Variants in SLC60A2 observed in about 807,000 individuals in gnomAD.
SLC60A2 encodes solute carrier family 60 member 2.
the SLC60A2 span, chr6:111,265,751 A>G: frequency 4.3e-5 from 32 of 738,418 alleles, no homozygotes; most frequent in East Asian, 5.0e-4. Flanking sequence ...ATGTTTGATA[A>G]TTAGAATATT....
At chr6:111,270,473 A>G in the SLC60A2 span, 1 of 152,168 alleles carries the variant, frequency 6.6e-6, no homozygotes, top group South Asian at 2.1e-4. Context: ...TCCTGAGGTC[A>G]GGAGTTTGAG....
the SLC60A2 span, chr6:111,262,292 A>G: frequency 1.2e-5 from 20 of 1,614,150 alleles, no homozygotes; most frequent in Non-Finnish European, 1.5e-5. Flanking sequence ...CCACGTTTCA[A>G]GATTTGGCAA....
chr6:111,266,366 T>C, the SLC60A2 span: 21 of 1,614,202 alleles, frequency 1.3e-5, no homozygotes, highest in Non-Finnish European at 1.8e-5. Flanking sequence ...GTGAAGCTGC[T>C]GGGTTGAACT....
the SLC60A2 span, among the ~76,000 whole-genome samples, chr6:111,273,805 A>G: frequency 6.6e-6 from 1 of 152,070 alleles, no homozygotes; most frequent in African/African-American, 2.4e-5. Flanking sequence ...GGCTCACTGT[A>G]GTTTTGACCT....
At chr6:111,264,819 CG>C in the SLC60A2 span, among the ~76,000 whole-genome samples, 22 of 150,078 alleles carry the variant, frequency 1.5e-4, no homozygotes, top group Middle Eastern at 3.5e-3. Context: ...TAAATAACGG[CG>C]GGGTGGCTTA....
the SLC60A2 span, chr6:111,262,268 T>A: frequency 1.2e-6 from 2 of 1,612,478 alleles, no homozygotes; most frequent in African/African-American, 1.3e-5. Context: ...GATTGAGTGT[T>A]GCTATAGTGG....
At chr6:111,263,827 C>T in the SLC60A2 span, 2 of 1,536,824 alleles carry the variant, frequency 1.3e-6, no homozygotes, top group Non-Finnish European at 1.8e-6. Context: ...TCTACCTTCC[C>T]AGGAATCTCA....
the SLC60A2 span, among the ~76,000 whole-genome samples, chr6:111,265,674 T>C: frequency 6.6e-6 from 1 of 152,294 alleles, no homozygotes; most frequent in African/African-American, 2.4e-5. Context: ...GTATGTGATG[T>C]TATAATGCTT....
chr6:111,279,963 G>A, the SLC60A2 span, among the ~76,000 whole-genome samples: 8 of 152,202 alleles, frequency 5.3e-5, no homozygotes, highest in Non-Finnish European at 7.4e-5. Context: ...ACATAGCTTT[G>A]TACCATATAA....
the SLC60A2 span, chr6:111,262,112 A>T: frequency 3.6e-6 from 2 of 551,668 alleles, no homozygotes; most frequent in Non-Finnish European, 5.9e-6. Flanking sequence ...GTCAAAACTA[A>T]AAAAACAGTA....
chr6:111,275,663 C>T, the SLC60A2 span, among the ~76,000 whole-genome samples: 9 of 152,128 alleles, frequency 5.9e-5, no homozygotes, highest in Admixed American at 1.3e-4. Context: ...CCACCTCGGC[C>T]TCCCAAAGTG....
the SLC60A2 span, among the ~76,000 whole-genome samples, chr6:111,275,882 G>A: frequency 2.0e-5 from 3 of 152,208 alleles, no homozygotes; most frequent in Middle Eastern, 3.4e-3. Flanking sequence ...TCCACAGAAC[G>A]TTTTTTACCT....
the SLC60A2 span, among the ~76,000 whole-genome samples, chr6:111,261,828 G>GT: frequency 5.3e-5 from 8 of 152,188 alleles, no homozygotes; most frequent in South Asian, 1.5e-3. Flanking sequence ...TCCTGACCTC[G>GT]TGATCCGCCT....
the SLC60A2 span, chr6:111,262,250 AT>A: frequency 2.5e-6 from 4 of 1,604,204 alleles, no homozygotes; most frequent in Non-Finnish European, 2.6e-6. Flanking sequence ...GTCTTTTTAA[AT>A]TTTAGGGATT....
At chr6:111,274,396 T>G in the SLC60A2 span, among the ~76,000 whole-genome samples, 1 of 152,142 alleles carries the variant, frequency 6.6e-6, no homozygotes, top group African/African-American at 2.4e-5. Context: ...TGTTTACGGG[T>G]GAAGTGAGTT....
chr6:111,265,243 T>A, the SLC60A2 span: 1 of 949,144 alleles, frequency 1.1e-6, no homozygotes, highest in African/African-American at 1.8e-5. Context: ...GGTAGAATTA[T>A]ATATTTATCT....
At chr6:111,277,509 C>T in the SLC60A2 span, among the ~76,000 whole-genome samples, 1 of 152,134 alleles carries the variant, frequency 6.6e-6, no homozygotes, top group Non-Finnish European at 1.5e-5. Flanking sequence ...ATTTACTGAG[C>T]ATTTACCATG....
chr6:111,267,183 A>C, the SLC60A2 span: 1 of 1,436,100 alleles, frequency 7.0e-7, no homozygotes, highest in Non-Finnish European at 9.4e-7. Flanking sequence ...CATTCAGAGC[A>C]GAGCATTAGC....
chr6:111,274,564 T>C, the SLC60A2 span, among the ~76,000 whole-genome samples: 1 of 151,332 alleles, frequency 6.6e-6, no homozygotes, highest in South Asian at 2.1e-4. Flanking sequence ...TTTTGTGAGT[T>C]GTTTTCTGAT....
Sources: allele counts gnomAD v4.1 joint callset (sites outside exome capture counted in the v4.1 genomes callset), GRCh38; gene constraint gnomAD v4.1.1; transcripts MANE v1.5; gene names NCBI Gene and HGNC (gene_info 2026-07-23, HGNC 2026-07-21).